Variants in WSB2 observed in about 807,000 individuals in gnomAD.
WSB2 encodes the protein WD repeat and SOCS box-containing protein 2.
WSB2 carries 12 observed loss-of-function variants against 48.8 expected under a neutral mutation model. That is an observed-to-expected ratio of 0.25 (90% CI 0.16 to 0.40). The LOEUF is 0.40. Among genes scored for constraint, WSB2 ranks in the 10% least tolerant of loss-of-function variants. The pLI, the probability that WSB2 is intolerant of heterozygous loss-of-function variation, is 1.00. For missense variants in WSB2, 317 were observed against 506.2 expected, an observed-to-expected ratio of 0.63 and a Z score of 3.59; for synonymous variants, 191 against 203.1, an observed-to-expected ratio of 0.94 and a Z score of 0.51.
At chr12:118,048,006 A>G (rs937138025) in intron 2 of WSB2, among the ~76,000 whole-genome samples, 1 of 152,084 alleles carries the variant, frequency 6.6e-6, no homozygotes, top group South Asian at 2.1e-4. Context: ...AGCTCACTGC[A>G]GCCTCTAATT....
chr12:118,061,045 C>T lies in WSB2; in HGVS notation c.4G>A (p.Glu2Lys). The change falls in exon 1 of 9, where the codon GAG becomes AAG. Residue 2 changes from glutamate to lysine, a missense_variant. Transcript: ENST00000315436. ...GCCCGGCCCCACTCACCTCCGGCCT[C>T]CATGGAGGACGCGAGCGGCCCCCGC... Reference protein sequence around the residue: MEAGEEPLLLAE... With the variant: MKAGEEPLLLAE... 1 of 986,418 alleles carries T rather than the reference C, an allele frequency of 1.0e-6. No individual in the cohort carries two copies. The highest frequency in any genetic ancestry group is 1.2e-6 in the Non-Finnish European group (1 of 831,676). The allele number at this position is 986,418 out of a possible 1,614,324, so 61.1% of individuals were successfully genotyped here.
chr12:118,041,318 G>A (rs912779711), intron 4 of WSB2, among the ~76,000 whole-genome samples: 1 of 152,148 alleles, frequency 6.6e-6, no homozygotes, highest in African/African-American at 2.4e-5. Context: ...TGCCAGATGA[G>A]GATGCAGAGA....
At chr12:118,034,755 G>T (rs1243900333) in intron 8 of WSB2, 2 of 554,124 alleles carry the variant, frequency 3.6e-6, no homozygotes, top group Non-Finnish European at 6.3e-6. Flanking sequence ...TTGTGAACTT[G>T]GCCCATTAGG....
At position 118,034,841 on chromosome 12, in the gene WSB2, C is replaced by A. The variant is rs936884772; in HGVS notation, c.1052+145G>T. On this transcript the variant is annotated intron_variant, in intron 8 of 8. Transcript: ENST00000315436. ...AATGGGACACCGTTATTAGCAAAAT[C>A]GATCATTTGAGTTTTATATAATCTT... is the stretch of plus-strand genomic sequence containing the variant. 1.7e-5 allele frequency: 12 copies of A among 707,100 alleles called. No homozygotes were observed. In the East Asian group the frequency reaches 3.0e-4, roughly 18 times the overall value. The allele number at this position is 707,100 out of a possible 1,614,324, so 43.8% of individuals were successfully genotyped here. A position where few individuals can be genotyped will look rare whatever the true frequency, so the allele number is the denominator to read the frequency against.
At chr12:118,044,561 C>A (rs1425569014) in intron 2 of WSB2, among the ~76,000 whole-genome samples, 2 of 152,162 alleles carry the variant, frequency 1.3e-5, no homozygotes, top group African/African-American at 4.8e-5. Flanking sequence ...AAGGATCAAA[C>A]AGCAAGGTAG....
In WSB2 at chr12:118,041,748, CTTTTT is replaced by C. The variant is rs150072011; in HGVS notation, c.559+1088_559+1092del. 3.0e-5 allele frequency among the ~76,000 whole-genome samples: 3 copies of C among 101,534 alleles called. No homozygotes were observed. The East Asian group carries it at 8.4e-4, about 28-fold the overall frequency. The allele number at this position is 101,534 out of a possible 152,430, so 66.6% of individuals were successfully genotyped here. Reference sequence around the variant, plus strand: ...CAATAAATTCCCCTCTCTTATGTCACTTTTTTTTTTTTTTTTTTTTTTTTGAGACA... The same window carrying C: ...CAATAAATTCCCCTCTCTTATGTCACTTTTTTTTTTTTTTTTTTTGAGACA... On this transcript the variant is annotated intron_variant, in intron 4 of 8. Coordinates refer to ENST00000315436, the MANE Select transcript of WSB2 (RefSeq NM_018639.5).
rs143542122 is a variant in WSB2, at chr12:118,050,374, C to T, written c.182+1936G>A. 1.2e-3 allele frequency among the ~76,000 whole-genome samples: 177 copies of T among 151,966 alleles called. 1 individual carries two copies. The highest frequency in any genetic ancestry group is 3.7e-3 in the African/African-American group (153 of 41,448). On this transcript the variant is annotated intron_variant, in intron 2 of 8. Coordinates refer to ENST00000315436, the MANE Select transcript of WSB2 (RefSeq NM_018639.5). Reference sequence around the variant, plus strand: ...GTATTAGAAACTAAACTTGGCCAAGCGCCATGGCTCACACCTGTAATCCCA... The same window carrying T: ...GTATTAGAAACTAAACTTGGCCAAGTGCCATGGCTCACACCTGTAATCCCA...
At chr12:118,048,639 T>C (rs1367455022) in intron 2 of WSB2, among the ~76,000 whole-genome samples, 1 of 151,848 alleles carries the variant, frequency 6.6e-6, no homozygotes, top group Non-Finnish European at 1.5e-5. Flanking sequence ...ACTTAACATA[T>C]GAAACAATAA....
At position 118,043,197 on chromosome 12, in the gene WSB2, G is replaced by A; in HGVS notation, c.363C>T (p.Val121=). The change falls in exon 3 of 9, where the codon GTC becomes GTT. Residue 121 remains valine (V), a synonymous_variant. Transcript: ENST00000315436. ...WARHHPQVPD[V]SCLVLATGLN... is the part of the protein sequence containing the mutation. ...GTCCCGTAGCAAGAACCAGGCAAGA[G>A]ACATCGGGCACTTGGGGGTGGTGGC... 1 of 1,614,242 alleles carries A rather than the reference G, an allele frequency of 6.2e-7. No individual in the cohort carries two copies. Among genetic ancestry groups the A allele is most frequent in the Non-Finnish European group, 8.5e-7 (1 of 1,180,056 alleles).
At chr12:118,035,417 C>T in intron 6 of WSB2, 93 bp from the exon 7 acceptor site, 1 of 1,098,336 alleles carries the variant, frequency 9.1e-7, no homozygotes. Flanking sequence ...ACTGCCCTGG[C>T]TACAAAAGGG....
intron 2 of WSB2, among the ~76,000 whole-genome samples, chr12:118,048,982 T>C (rs1464130097): frequency 6.6e-6 from 1 of 152,182 alleles, no homozygotes; most frequent in Non-Finnish European, 1.5e-5. Flanking sequence ...CTCTAGGTCA[T>C]GTGACAGAAA....
chr12:118,038,228 A>G (rs761419402), intron 5 of WSB2, 60 bp downstream of exon 5: 7 of 1,512,440 alleles, frequency 4.6e-6, no homozygotes, highest in Admixed American at 2.0e-5. Flanking sequence ...CACACACACC[A>G]GGCCACCACT....
chr12:118,034,935 G>T, intron 8 of WSB2, 51 bp downstream of exon 8: 1 of 1,556,652 alleles, frequency 6.4e-7, no homozygotes, highest in South Asian at 1.1e-5. Flanking sequence ...AAAGCTCCAT[G>T]GTATACTCAG....
chr12:118,043,326 T>C lies in WSB2; in HGVS notation c.234A>G (p.Lys78=), dbSNP rs1413630420. 1 of 1,598,710 alleles carries C rather than the reference T, an allele frequency of 6.3e-7. No homozygotes were observed. Among genetic ancestry groups the C allele is most frequent in the African/African-American group, 1.3e-5 (1 of 74,244 alleles). Residue 78 remains lysine (K), a synonymous_variant, in exon 3 of 9, where the codon AAA becomes AAG. Transcript: ENST00000315436. ...AKSRSSKNET[K]GRGSPKEKTL... Reference sequence around the variant, plus strand: ...TCTTCTCTTTTGGGCTGCCCCGCCCTTTCGTCTCATTTTTGCTACTTCGGC... The same window carrying C: ...TCTTCTCTTTTGGGCTGCCCCGCCCCTTCGTCTCATTTTTGCTACTTCGGC...
chr12:118,051,795 G>A lies in WSB2; in HGVS notation c.182+515C>T, dbSNP rs570909831. On this transcript the variant is annotated intron_variant, in intron 2 of 8. Transcript: ENST00000315436. ...TTGAGACCAGCCTGGCCAACATGGC[G>A]AAACCTCGTCTCTACTAATAATACA... Among the ~76,000 whole-genome samples, 13 of 152,312 alleles carry A rather than the reference G, an allele frequency of 8.5e-5. No homozygotes were observed. In the South Asian group the frequency reaches 2.5e-3, roughly 29 times the overall value.
chr12:118,044,282 G>A (rs1174834119), intron 2 of WSB2, among the ~76,000 whole-genome samples: 2 of 152,142 alleles, frequency 1.3e-5, no homozygotes, highest in South Asian at 2.1e-4. Context: ...TTTGATGAGT[G>A]GAAGGAAAAA....
At position 118,034,583 on chromosome 12, in the gene WSB2, G is replaced by GTCTC. The variant is rs10624358; in HGVS notation, c.1053-229_1053-226dup. 5.8e-4 allele frequency: 310 copies of GTCTC among 538,258 alleles called. 1 individual carries two copies. The highest frequency in any genetic ancestry group is 5.2e-3 in the African/African-American group (277 of 52,936). The allele number at this position is 538,258 out of a possible 1,614,324, so 33.3% of individuals were successfully genotyped here. ...CCTGTGATACCAAAGCGCTCTCTCT[G>GTCTC]TCTCTCTCTCGGCACAGCCCTTTCT... is the stretch of plus-strand genomic sequence containing the variant. On this transcript the variant is annotated intron_variant, in intron 8 of 8. Coordinates refer to ENST00000315436, the MANE Select transcript of WSB2 (RefSeq NM_018639.5).
chr12:118,040,195 T>C lies in WSB2; in HGVS notation c.560-1807A>G, dbSNP rs560851811. 1.7e-3 allele frequency among the ~76,000 whole-genome samples: 257 copies of C among 151,956 alleles called. 1 individual carries two copies. The highest frequency in any genetic ancestry group is 5.9e-3 in the African/African-American group (246 of 41,446). On this transcript the variant is annotated intron_variant, in intron 4 of 8. Coordinates refer to ENST00000315436, the MANE Select transcript of WSB2 (RefSeq NM_018639.5). The stretch of plus-strand genomic sequence containing the variant: ...CTCAAAAAATAAAGGTCAATCATGG[T>C]TTCTTCAGCTGTCAAATCTCAGGGT...
At chr12:118,049,703 CAGA>C (rs1247518800) in intron 2 of WSB2, among the ~76,000 whole-genome samples, 2 of 152,042 alleles carry the variant, frequency 1.3e-5, no homozygotes, top group Non-Finnish European at 2.9e-5. Context: ...GCGCCCAGCC[CAGA>C]AGAACATTTT....
Sources: gnomAD v4.1 joint callset for allele counts (sites outside exome capture counted in the v4.1 genomes callset) on GRCh38, gnomAD v4.1.1 for gene constraint, MANE v1.5 for transcripts, NCBI Gene and HGNC (gene_info 2026-07-23, HGNC 2026-07-21) for gene names.